Variants in ITGBL1 observed in about 807,000 individuals in gnomAD.
ITGBL1 encodes integrin subunit beta like 1.
Under a neutral mutation model 68.5 loss-of-function variants are expected in ITGBL1, and 51 were observed. The observed-to-expected ratio is 0.74, with a 90% confidence interval of 0.59 to 0.94. ITGBL1 has a LOEUF of 0.94. ITGBL1 is among the 40% of genes least tolerant of loss of function. ITGBL1 has a pLI of 0.00. For missense variants in ITGBL1, 649 were observed against 647.4 expected, an observed-to-expected ratio of 1.00 and a Z score of -0.03; for synonymous variants, 209 against 227.3, an observed-to-expected ratio of 0.92 and a Z score of 0.72.
chr13:101,658,392 A>T (rs2032989700), intron 7 of ITGBL1, among the ~76,000 whole-genome samples: 2 of 152,206 alleles, frequency 1.3e-5, no homozygotes, highest in South Asian at 4.1e-4. Flanking sequence ...ATTTGTTCCT[A>T]AAGCTATGTT....
intron 7 of ITGBL1, among the ~76,000 whole-genome samples, chr13:101,628,242 T>A (rs2893072): frequency 6.6e-6 from 1 of 152,026 alleles, no homozygotes; most frequent in Non-Finnish European, 1.5e-5. Context: ...ATCTGTATGT[T>A]TTCTTTAATA....
intron 2 of ITGBL1, among the ~76,000 whole-genome samples, chr13:101,533,250 A>G (rs190187740): frequency 3.8e-4 from 58 of 152,314 alleles, no homozygotes; most frequent in African/African-American, 1.2e-3. Flanking sequence ...GTGTCTCTGG[A>G]AGAGCCAGAC....
At chr13:101,588,164 C>T (rs1464263284) in intron 6 of ITGBL1, among the ~76,000 whole-genome samples, 1 of 152,148 alleles carries the variant, frequency 6.6e-6, no homozygotes, top group Non-Finnish European at 1.5e-5. Flanking sequence ...ATAATTCCTG[C>T]CTTCCCAGCA....
chr13:101,609,089 C>T lies in ITGBL1; in HGVS notation c.1015+10790C>T, dbSNP rs533145600. On this transcript the variant is annotated intron_variant, in intron 7 of 10. Transcript: ENST00000376180. Reference sequence around the variant, plus strand: ...GGGTTGTATATGCTCTATTACCATGCAATAGCCCATAATAGTAATATTATA... The same window carrying T: ...GGGTTGTATATGCTCTATTACCATGTAATAGCCCATAATAGTAATATTATA... 1.8e-4 allele frequency among the ~76,000 whole-genome samples: 27 copies of T among 152,096 alleles called. No homozygotes were observed. The South Asian group carries it at 5.6e-3, about 32-fold the overall frequency.
intron 6 of ITGBL1, among the ~76,000 whole-genome samples, chr13:101,588,489 G>T (rs1331723452): frequency 6.6e-6 from 1 of 152,080 alleles, no homozygotes; most frequent in Non-Finnish European, 1.5e-5. Context: ...ACTAAAACCT[G>T]CAGGCTTAAC....
chr13:101,564,666 T>G (rs1357202855), intron 2 of ITGBL1, among the ~76,000 whole-genome samples: 3 of 149,642 alleles, frequency 2.0e-5, no homozygotes, highest in African/African-American at 7.3e-5. Context: ...ACAATGAACT[T>G]GTATCCAGGA....
At chr13:101,694,852 T>G (rs1424799167) in intron 8 of ITGBL1, among the ~76,000 whole-genome samples, 1 of 152,246 alleles carries the variant, frequency 6.6e-6, no homozygotes, top group East Asian at 1.9e-4. Context: ...GGCTTTAGAT[T>G]CTTTTCAATT....
intron 7 of ITGBL1, among the ~76,000 whole-genome samples, chr13:101,663,353 A>G (rs2033134915): frequency 1.3e-5 from 2 of 152,196 alleles, no homozygotes; most frequent in Admixed American, 1.3e-4. Flanking sequence ...TACATCTGAG[A>G]CACTTTAGAG....
intron 2 of ITGBL1, among the ~76,000 whole-genome samples, chr13:101,560,171 AT>A (rs1449782210): frequency 6.6e-6 from 1 of 152,168 alleles, no homozygotes; most frequent in Non-Finnish European, 1.5e-5. Flanking sequence ...TAGATGTTAC[AT>A]TGTTTTTTTG....
At chr13:101,611,781 T>A (rs1333483813) in intron 7 of ITGBL1, among the ~76,000 whole-genome samples, 1 of 152,112 alleles carries the variant, frequency 6.6e-6, no homozygotes, top group Non-Finnish European at 1.5e-5. Flanking sequence ...AATTTGACAC[T>A]GTGTTCTGAC....
downstream of ITGBL1, chr13:101,719,742 C>G (rs924235880): frequency 6.6e-6 from 1 of 152,042 alleles, no homozygotes; most frequent in Non-Finnish European, 1.5e-5. Context: ...ATACAATGGA[C>G]ATATGCACAT....
chr13:101,537,373 A>T (rs2139175297), intron 2 of ITGBL1, among the ~76,000 whole-genome samples: 1 of 152,218 alleles, frequency 6.6e-6, no homozygotes, highest in Admixed American at 6.6e-5. Flanking sequence ...AATGGATGAT[A>T]TTAAAATAAT....
chr13:101,597,194 A>T (rs11069450), intron 6 of ITGBL1, among the ~76,000 whole-genome samples: 1 of 151,990 alleles, frequency 6.6e-6, no homozygotes, highest in Non-Finnish European at 1.5e-5. Flanking sequence ...ATATCTCCGC[A>T]TCTCTCTCAG....
rs34627046 is a variant in ITGBL1 at position 101,689,211 on chromosome 13, T to TAAAAAAAAAAAAAAAAAAAAAAAAAAA, written c.1016-3352_1016-3351insAAAAAAAAAAAAAAAAAAAAAAAAAAA. On this transcript the variant is annotated intron_variant, in intron 7 of 10. Coordinates refer to ENST00000376180, the MANE Select transcript of ITGBL1 (RefSeq NM_004791.3). ...CCTGGGGACAGAGCAAGACTCTGCCTAAAAAAAAAAAAAAAAAAAAAATTA... is the reference window on the plus strand; with the variant it reads ...CCTGGGGACAGAGCAAGACTCTGCCTAAAAAAAAAAAAAAAAAAAAAAAAAAAAAAAAAAAAAAAAAAAAAAAAATTA... Among the ~76,000 whole-genome samples the TAAAAAAAAAAAAAAAAAAAAAAAAAAA allele has an allele frequency of 2.6e-3, 192 of 74,832 alleles. 6 individuals carry two copies. The highest frequency in any genetic ancestry group is 6.0e-3 in the East Asian group (5 of 830). The allele number at this position is 74,832 out of a possible 152,430, so 49.1% of individuals were successfully genotyped here. A position where few individuals can be genotyped will look rare whatever the true frequency, so the allele number is the denominator to read the frequency against.
At position 101,505,424 on chromosome 13, in the gene ITGBL1, G is replaced by A. The variant is rs1032978566; in HGVS notation, c.316+51324G>A. 2.6e-5 allele frequency among the ~76,000 whole-genome samples: 4 copies of A among 152,306 alleles called. No homozygotes were observed. The East Asian group carries it at 7.7e-4, about 29-fold the overall frequency. On this transcript the variant is annotated intron_variant, in intron 2 of 10. Coordinates refer to ENST00000376180, the MANE Select transcript of ITGBL1 (RefSeq NM_004791.3). ...ATCAATCTATAGAGTAGAATGTGAT[G>A]AAATGTTGGAGAGAAGGGTGTTTAT... is the stretch of plus-strand genomic sequence containing the variant.
intron 5 of ITGBL1, among the ~76,000 whole-genome samples, chr13:101,581,260 C>T (rs1023436173): frequency 3.3e-5 from 5 of 152,108 alleles, no homozygotes; most frequent in African/African-American, 4.8e-5. Context: ...GCTGCTTCTT[C>T]GTCACATCTG....
chr13:101,465,289 G>C (rs1056325449), intron 2 of ITGBL1, among the ~76,000 whole-genome samples: 2 of 151,962 alleles, frequency 1.3e-5, no homozygotes, highest in Admixed American at 1.3e-4. Flanking sequence ...ACCAAAATTA[G>C]GTTTCATTGG....
chr13:101,592,020 C>T (rs1191501433), intron 6 of ITGBL1, among the ~76,000 whole-genome samples: 1 of 152,024 alleles, frequency 6.6e-6, no homozygotes, highest in East Asian at 1.9e-4. Context: ...ATATTTTCTT[C>T]CTTTTTAAAA....
intron 2 of ITGBL1, among the ~76,000 whole-genome samples, chr13:101,482,086 C>G (rs553723021): frequency 1.3e-5 from 2 of 152,200 alleles, no homozygotes; most frequent in African/African-American, 2.4e-5. Context: ...CAGTTTATTA[C>G]GTAATGAGCA....
Sources: gnomAD v4.1 joint callset for allele counts (sites outside exome capture counted in the v4.1 genomes callset) on GRCh38, gnomAD v4.1.1 for gene constraint, MANE v1.5 for transcripts, NCBI Gene and HGNC (gene_info 2026-07-23, HGNC 2026-07-21) for gene names.